ARB2A: variants seen among roughly 807,000 people sequenced by gnomAD.
ARB2A encodes the protein ARB2 cotranscriptional regulator A, also known as cotranscriptional regulator ARB2A.
chr5:93,852,846 T>C, the ARB2A span, among the ~76,000 whole-genome samples: 4 of 152,222 alleles, frequency 2.6e-5, no homozygotes, highest in Non-Finnish European at 4.4e-5. Context: ...CATGCTGTTT[T>C]GGTTACTGTA....
chr5:93,906,673 T>G, the ARB2A span, among the ~76,000 whole-genome samples: 1 of 151,654 alleles, frequency 6.6e-6, no homozygotes, highest in African/African-American at 2.4e-5. Context: ...GTCTTACAAT[T>G]ATTTACATGT....
At chr5:94,088,557 T>C in the ARB2A span, among the ~76,000 whole-genome samples, 4 of 152,224 alleles carry the variant, frequency 2.6e-5, no homozygotes, top group African/African-American at 9.6e-5. Flanking sequence ...GGCATGTGCT[T>C]GTAGTCCCAG....
At chr5:93,646,974 GACACAGGTATATAC>G in the ARB2A span, among the ~76,000 whole-genome samples, 4 of 152,014 alleles carry the variant, frequency 2.6e-5, no homozygotes, top group East Asian at 7.7e-4. Flanking sequence ...TTCACTTTGT[GACACAGGTATATAC>G]ACACATACTA....
chr5:93,792,399 T>C, the ARB2A span, among the ~76,000 whole-genome samples: 1 of 151,900 alleles, frequency 6.6e-6, no homozygotes, highest in East Asian at 1.9e-4. Context: ...GTGAGAAAAT[T>C]TACCAAAACT....
the ARB2A span, among the ~76,000 whole-genome samples, chr5:94,097,609 C>A: frequency 1.2e-4 from 19 of 152,306 alleles, no homozygotes; most frequent in East Asian, 3.1e-3. Flanking sequence ...TGACTTGCTC[C>A]TCCTTGCCTT....
the ARB2A span, among the ~76,000 whole-genome samples, chr5:94,058,224 T>C: frequency 6.6e-6 from 1 of 151,908 alleles, no homozygotes. Flanking sequence ...AAGCCCAACA[T>C]TCTTTAAAAT....
At chr5:93,643,260 A>T in the ARB2A span, among the ~76,000 whole-genome samples, 2 of 152,134 alleles carry the variant, frequency 1.3e-5, no homozygotes, top group Non-Finnish European at 2.9e-5. Context: ...CCTAACCAGG[A>T]TATGTGCCCA....
chr5:93,759,794 T>G, the ARB2A span, among the ~76,000 whole-genome samples: 12 of 152,254 alleles, frequency 7.9e-5, no homozygotes, highest in Admixed American at 6.5e-4. Flanking sequence ...AACATAATAC[T>G]GAATGGAGAA....
At chr5:93,658,330 G>A in the ARB2A span, among the ~76,000 whole-genome samples, 1 of 152,030 alleles carries the variant, frequency 6.6e-6, no homozygotes, top group East Asian at 1.9e-4. Flanking sequence ...GTAAAGTTAT[G>A]ATAAATATAA....
chr5:93,743,558 C>T, the ARB2A span: 8 of 984,366 alleles, frequency 8.1e-6, no homozygotes, highest in Non-Finnish European at 9.6e-6. Context: ...TTCAAAATCA[C>T]GAAGCAATCA....
At chr5:94,036,953 A>C in the ARB2A span, among the ~76,000 whole-genome samples, 1 of 152,160 alleles carries the variant, frequency 6.6e-6, no homozygotes, top group Non-Finnish European at 1.5e-5. Context: ...TTTGGAGTTA[A>C]TTCTGGTGTA....
chr5:93,770,148 A>T, the ARB2A span, among the ~76,000 whole-genome samples: 3 of 152,200 alleles, frequency 2.0e-5, no homozygotes, highest in East Asian at 3.8e-4. Flanking sequence ...GATGAGCCTT[A>T]CAAGGCTTTA....
At chr5:93,858,051 G>A in the ARB2A span, among the ~76,000 whole-genome samples, 1 of 152,172 alleles carries the variant, frequency 6.6e-6, no homozygotes, top group African/African-American at 2.4e-5. Flanking sequence ...AGCTAAATCA[G>A]CAAAGAGAAA....
At chr5:93,868,492 A>C in the ARB2A span, among the ~76,000 whole-genome samples, 1 of 152,222 alleles carries the variant, frequency 6.6e-6, no homozygotes, top group Admixed American at 6.5e-5. Context: ...TAAACACCAA[A>C]GGATAGAAGA....
chr5:93,838,870 G>A, the ARB2A span, among the ~76,000 whole-genome samples: 1 of 152,112 alleles, frequency 6.6e-6, no homozygotes. Flanking sequence ...GTATAGGAAT[G>A]TTACTTGTGT....
chr5:93,712,351 C>T, the ARB2A span, among the ~76,000 whole-genome samples: 1 of 152,064 alleles, frequency 6.6e-6, no homozygotes, highest in East Asian at 1.9e-4. Context: ...CAGAAGAAAA[C>T]AAAAGACCAG....
chr5:94,023,235 T>C, the ARB2A span, among the ~76,000 whole-genome samples: 1 of 152,206 alleles, frequency 6.6e-6, no homozygotes, highest in Non-Finnish European at 1.5e-5. Context: ...TGTGTAATCT[T>C]ACCCTATATG....
chr5:93,779,829 A>G, the ARB2A span, among the ~76,000 whole-genome samples: 5 of 152,172 alleles, frequency 3.3e-5, no homozygotes, highest in Non-Finnish European at 7.4e-5. Flanking sequence ...TTGTGGTTGT[A>G]AATTTTCCTT....
the ARB2A span, among the ~76,000 whole-genome samples, chr5:93,866,937 A>G: frequency 6.6e-6 from 1 of 152,212 alleles, no homozygotes; most frequent in Non-Finnish European, 1.5e-5. Context: ...TCTTTATATA[A>G]AACAGTAAAC....
Sources: gnomAD v4.1 joint callset for allele counts (sites outside exome capture counted in the v4.1 genomes callset) on GRCh38, gnomAD v4.1.1 for gene constraint, MANE v1.5 for transcripts, NCBI Gene and HGNC (gene_info 2026-07-23, HGNC 2026-07-21) for gene names.